Variants in PLXNA4 observed in about 807,000 individuals in gnomAD.
PLXNA4 encodes the protein plexin A4.
In PLXNA4, 44 loss-of-function variants were observed where a neutral mutation model predicts 191.8. That is an observed-to-expected ratio of 0.23 (90% CI 0.18 to 0.29). The LOEUF (loss-of-function observed/expected upper bound fraction) is 0.29. Among genes scored for constraint, PLXNA4 ranks in the 10% least tolerant of loss-of-function variants. PLXNA4 has a pLI of 1.00. For synonymous variants in PLXNA4, 1,082 were observed against 1,009.5 expected (o/e 1.07, Z -1.36); for missense variants, 1,800 against 2,488.8 (o/e 0.72, Z 5.89).
intron 2 of PLXNA4, among the ~76,000 whole-genome samples, chr7:132,614,692 C>A (rs890471175): frequency 6.6e-6 from 1 of 152,224 alleles, no homozygotes; most frequent in African/African-American, 2.4e-5. Context: ...GACAGAGGCA[C>A]CTGGCCCAAT....
At chr7:132,623,540 GGAGCCA>G (rs1468765357) in intron 2 of PLXNA4, among the ~76,000 whole-genome samples, 20 of 152,126 alleles carry the variant, frequency 1.3e-4, no homozygotes, top group African/African-American at 4.6e-4. Flanking sequence ...AAAAGATCAA[GGAGCCA>G]GACTATCCAG....
chr7:132,580,039 C>T (rs969066604), upstream of PLXNA4, among the ~76,000 whole-genome samples: 3 of 152,116 alleles, frequency 2.0e-5, no homozygotes, highest in Admixed American at 6.5e-5. Flanking sequence ...GGGTCACGTC[C>T]TCTCAATGAT....
At chr7:132,216,946 C>T (rs559687143) in intron 9 of PLXNA4, among the ~76,000 whole-genome samples, 1 of 152,332 alleles carries the variant, frequency 6.6e-6, no homozygotes, top group African/African-American at 2.4e-5. Flanking sequence ...TAATAAGATT[C>T]TTTGGAGACA....
intron 3 of PLXNA4, among the ~76,000 whole-genome samples, chr7:132,330,650 G>A (rs111274436): frequency 1.3e-5 from 2 of 152,126 alleles, no homozygotes; most frequent in African/African-American, 4.8e-5. Flanking sequence ...GGCCCAAATG[G>A]GAACTCTTAG....
intron 9 of PLXNA4, among the ~76,000 whole-genome samples, chr7:132,218,630 G>A (rs1049476980): frequency 1.3e-5 from 2 of 152,208 alleles, no homozygotes; most frequent in Admixed American, 1.3e-4. Flanking sequence ...GGAGGTCCAG[G>A]TTGGCCTGTG....
rs555039906 is a variant in PLXNA4 at position 132,234,145 on chromosome 7, C to T, written c.1605-5676G>A. On this transcript the variant is annotated intron_variant, in intron 5 of 31. Transcript: ENST00000321063. ...AAGGAGGAGGAGACAGCAAAGGCAT[C>T]GCCACAGGTGAATCCATTCTCTTTC... Among the ~76,000 whole-genome samples, 10 of 152,214 alleles carry T rather than the reference C, an allele frequency of 6.6e-5. No individual in the cohort carries two copies. In the East Asian group the frequency reaches 7.7e-4, roughly 12 times the overall value.
Position 132,128,461 on chromosome 7 carries a change from A to C in PLXNA4, c.*2018T>G, listed in dbSNP as rs1228597041. On this transcript the variant is annotated 3_prime_UTR_variant, in exon 32 of 32. Coordinates refer to ENST00000321063, the MANE Select transcript of PLXNA4 (RefSeq NM_020911.2). ...CAAGCGCCCTCTCCTTCCACCCACC[A>C]GCTCTCAGCATAGAAAGCAAGTAAG... 1 of 152,058 alleles carries C rather than the reference A, an allele frequency of 6.6e-6. No individual in the cohort carries two copies. 9.4% of individuals were successfully genotyped at this position (152,058 alleles called of 1,614,324 possible).
rs754615235 is a variant in PLXNA4, at chr7:132,146,661, C to A, written c.4904G>T (p.Arg1635Leu). The A allele has an allele frequency of 1.2e-5, 19 of 1,614,176 alleles. No homozygotes were observed. In the East Asian group the frequency reaches 4.2e-4, roughly 36 times the overall value. Residue 1635 changes from arginine to leucine, a missense_variant, in exon 28 of 32, where the codon CGC (arginine) becomes CTC (leucine). Arg to Leu is a moderately radical substitution (Grantham distance 102). This residue lies in a region of PLXNA4 where 214 missense variants were observed against 298.2 expected (regional missense o/e 0.72). Transcript: ENST00000321063. ...AGGAGTGATCATAGGTGTCCGTGAG[C>A]GGAGGCTGTCGGGGCTGCCCGTGTA... ...IRYTGSPDSL[R>L]SRTPMITPDL... is the part of the protein sequence containing the mutation.
At chr7:132,625,443 G>A (rs1320416181) in intron 2 of PLXNA4, among the ~76,000 whole-genome samples, 1 of 152,174 alleles carries the variant, frequency 6.6e-6, no homozygotes, top group Non-Finnish European at 1.5e-5. Flanking sequence ...ATTTCAAGGG[G>A]ATATTCCCCT....
At chr7:132,324,381 TC>T (rs1243869642) in intron 3 of PLXNA4, among the ~76,000 whole-genome samples, 7 of 152,188 alleles carry the variant, frequency 4.6e-5, no homozygotes, top group Non-Finnish European at 8.8e-5. Flanking sequence ...CAGTTCATTT[TC>T]CCCCCAATGA....
chr7:132,475,340 C>G (rs1470839721), intron 3 of PLXNA4, among the ~76,000 whole-genome samples: 2 of 152,146 alleles, frequency 1.3e-5, no homozygotes, highest in African/African-American at 4.8e-5. Flanking sequence ...TCTTAGAGCT[C>G]TTTATGTGCC....
chr7:132,312,047 C>T (rs181368561), intron 3 of PLXNA4, among the ~76,000 whole-genome samples: 92 of 152,032 alleles, frequency 6.1e-4, no homozygotes, highest in African/African-American at 2.1e-3. Flanking sequence ...CTTTAAGCCA[C>T]CCCCGCCCTC....
intron 3 of PLXNA4, among the ~76,000 whole-genome samples, chr7:132,433,804 G>A (rs915669561): frequency 6.6e-6 from 1 of 152,072 alleles, no homozygotes; most frequent in African/African-American, 2.4e-5. Context: ...GCACCTCTTC[G>A]GATTCTAGAA....
chr7:132,188,519 A>T (rs938532723), intron 14 of PLXNA4, among the ~76,000 whole-genome samples: 2 of 152,014 alleles, frequency 1.3e-5, no homozygotes, highest in Non-Finnish European at 2.9e-5. Flanking sequence ...TTGATAGGGA[A>T]GCCCCAGAGC....
Position 132,160,066 on chromosome 7 carries a change from C to T in PLXNA4, c.4501-434G>A, listed in dbSNP as rs529269828. On this transcript the variant is annotated intron_variant, in intron 24 of 31. Coordinates refer to ENST00000321063, the MANE Select transcript of PLXNA4 (RefSeq NM_020911.2). ...CCAGACCCTCGCCCACTTCTGAAAC[C>T]CCCTGCCCATCCATGTTTGTCTGTC... 2.0e-5 allele frequency among the ~76,000 whole-genome samples: 3 copies of T among 152,244 alleles called. No homozygotes were observed. In the East Asian group the frequency reaches 5.8e-4, roughly 29 times the overall value.
chr7:132,369,726 T>C (rs907426829), intron 3 of PLXNA4, among the ~76,000 whole-genome samples: 17 of 151,698 alleles, frequency 1.1e-4, no homozygotes, highest in African/African-American at 4.1e-4. Flanking sequence ...AGAGGAGTGA[T>C]TTTGATTCCT....
At chr7:132,278,941 G>T (rs1326174150) in intron 4 of PLXNA4, among the ~76,000 whole-genome samples, 2 of 152,186 alleles carry the variant, frequency 1.3e-5, no homozygotes, top group African/African-American at 4.8e-5. Flanking sequence ...GCAAGGAGAG[G>T]CCACTGCAAA....
chr7:132,157,417 T>A (rs948350962), intron 25 of PLXNA4, among the ~76,000 whole-genome samples: 2 of 152,222 alleles, frequency 1.3e-5, no homozygotes, highest in African/African-American at 4.8e-5. Flanking sequence ...CTTGCCTTGC[T>A]GGGCTTGCAC....
chr7:132,137,393 A>C (rs998303156), intron 30 of PLXNA4, among the ~76,000 whole-genome samples: 6 of 131,944 alleles, frequency 4.5e-5, no homozygotes, highest in African/African-American at 2.4e-4. Context: ...AACTCTTCCA[A>C]GTTAAAATCA....
Sources: allele counts gnomAD v4.1 joint callset (sites outside exome capture counted in the v4.1 genomes callset), GRCh38; gene constraint gnomAD v4.1.1; regional missense constraint gnomAD v4.1.1; transcripts MANE v1.5; gene names NCBI Gene and HGNC (gene_info 2026-07-23, HGNC 2026-07-21).